The following PARD3B variants were observed in gnomAD, a reference collection of about 807,000 sequenced individuals.
PARD3B encodes partitioning defective 3 homolog B.
Under a neutral mutation model 130.2 loss-of-function variants are expected in PARD3B, and 103 were observed. The observed-to-expected ratio is 0.79, with a 90% CI of 0.67 to 0.93. The LOEUF (loss-of-function observed/expected upper bound fraction) is 0.93. Among genes scored for constraint, PARD3B ranks in the 40% least tolerant of loss-of-function variants. The pLI, the probability that PARD3B is intolerant of heterozygous loss-of-function variation, is 0.00. For synonymous variants in PARD3B, 583 were observed against 553.2 expected, an observed-to-expected ratio of 1.05 and a Z score of -0.76; for missense variants, 1,609 against 1,499.2, an observed-to-expected ratio of 1.07 and a Z score of -1.21.
chr2:205,154,181 A>G (rs1012526763), intron 10 of PARD3B, among the ~76,000 whole-genome samples: 1 of 152,164 alleles, frequency 6.6e-6, no homozygotes, highest in Non-Finnish European at 1.5e-5. Context: ...ATCTACAAAG[A>G]ACTTAAACTA....
At chr2:204,982,032 C>T (rs1692713293) in intron 3 of PARD3B, among the ~76,000 whole-genome samples, 2 of 152,038 alleles carry the variant, frequency 1.3e-5, no homozygotes, top group East Asian at 1.9e-4. Context: ...ATGTAACCAC[C>T]AAAAAAGTCA....
At chr2:205,045,710 A>G (rs1303660411) in intron 3 of PARD3B, among the ~76,000 whole-genome samples, 4 of 151,936 alleles carry the variant, frequency 2.6e-5, no homozygotes, top group African/African-American at 9.7e-5. Flanking sequence ...ATTACCTAAG[A>G]AAAACCATGT....
intron 15 of PARD3B, among the ~76,000 whole-genome samples, chr2:205,208,913 T>G (rs1431064649): frequency 2.2e-5 from 3 of 135,632 alleles, no homozygotes; most frequent in Admixed American, 2.2e-4. Flanking sequence ...CATCGCCAAG[T>G]CAATCCTAAG....
At position 204,890,383 on chromosome 2, in the gene PARD3B, C is replaced by A. The variant is rs1266127158; in HGVS notation, c.223-74769C>A. On this transcript the variant is annotated intron_variant, in intron 2 of 22. Transcript: ENST00000406610. The surrounding 1 kb of genome is among the most constrained non-coding windows in gnomAD (Gnocchi z 4.9). ...ATATCCAGAAGGAGAAAATAATTTT[C>A]AGCCCCTAGTCAAGAAGTTTCATTT... 6.6e-6 allele frequency among the ~76,000 whole-genome samples: 1 copy of A among 152,180 alleles called. No individual in the cohort carries two copies. The highest frequency in any genetic ancestry group is 1.9e-4 in the East Asian group (1 of 5,198).
At chr2:205,169,930 CCTT>C (rs2035053439) in intron 11 of PARD3B, among the ~76,000 whole-genome samples, 2 of 126,636 alleles carry the variant, frequency 1.6e-5, no homozygotes, top group Admixed American at 8.0e-5. Context: ...TTCCCCCCAC[CCTT>C]TTTTTTTTTT....
intron 22 of PARD3B, among the ~76,000 whole-genome samples, chr2:205,580,521 A>G (rs923054713): frequency 6.6e-6 from 1 of 152,356 alleles, no homozygotes; most frequent in South Asian, 2.1e-4. Flanking sequence ...GAGAACACAC[A>G]TCAACAACTT....
intron 18 of PARD3B, among the ~76,000 whole-genome samples, chr2:205,376,581 G>C (rs2045063198): frequency 6.6e-6 from 1 of 152,192 alleles, no homozygotes; most frequent in Admixed American, 6.6e-5. Flanking sequence ...GGGTAATGGT[G>C]GGGACTTTAA....
chr2:205,587,498 A>G (rs554342548), intron 22 of PARD3B, among the ~76,000 whole-genome samples: 1 of 152,164 alleles, frequency 6.6e-6, no homozygotes, highest in African/African-American at 2.4e-5. Context: ...GAAATAGTTT[A>G]TACTCTTTTC....
chr2:205,479,476 G>A (rs1253835718), intron 20 of PARD3B, among the ~76,000 whole-genome samples: 1 of 152,172 alleles, frequency 6.6e-6, no homozygotes, highest in Non-Finnish European at 1.5e-5. Flanking sequence ...AAAGCAGAAG[G>A]TAAGGGCCAT....
intron 3 of PARD3B, among the ~76,000 whole-genome samples, chr2:205,036,513 A>AAT (rs756008004): frequency 1.3e-5 from 2 of 148,714 alleles, no homozygotes; most frequent in Admixed American, 6.8e-5. Flanking sequence ...ATATATAAAA[A>AAT]ATATATATAT....
At chr2:204,944,043 AGAG>A (rs1689120723) in intron 2 of PARD3B, among the ~76,000 whole-genome samples, 1 of 149,478 alleles carries the variant, frequency 6.7e-6, no homozygotes, top group Non-Finnish European at 1.5e-5. Context: ...AGGAAGAAGA[AGAG>A]AAATAGTGAG....
intron 1 of PARD3B, among the ~76,000 whole-genome samples, chr2:204,614,081 G>A (rs1372850021): frequency 6.6e-6 from 1 of 151,910 alleles, no homozygotes; most frequent in Non-Finnish European, 1.5e-5. Flanking sequence ...TCTCTATAGA[G>A]CAGCAGTTCC....
At chr2:204,564,103 A>C (rs947633436) in intron 1 of PARD3B, among the ~76,000 whole-genome samples, 1 of 152,208 alleles carries the variant, frequency 6.6e-6, no homozygotes, top group Non-Finnish European at 1.5e-5. Context: ...CATTGATTGA[A>C]GCCCAGTGGC....
intron 18 of PARD3B, among the ~76,000 whole-genome samples, chr2:205,388,486 C>G (rs960038796): frequency 6.6e-6 from 1 of 152,280 alleles, no homozygotes; most frequent in South Asian, 2.1e-4. Context: ...ATGCGCTAAG[C>G]TACCATGCAT....
intron 18 of PARD3B, among the ~76,000 whole-genome samples, chr2:205,312,885 A>G (rs892696163): frequency 6.6e-6 from 1 of 152,126 alleles, no homozygotes; most frequent in Middle Eastern, 3.2e-3. Flanking sequence ...TTGAGCCTAT[A>G]ATGGAATTGC....
At chr2:205,515,103 T>A (rs1411239329) in intron 21 of PARD3B, among the ~76,000 whole-genome samples, 11 of 152,184 alleles carry the variant, frequency 7.2e-5, no homozygotes. Flanking sequence ...TGGTTTTCTG[T>A]TCCTGCATTA....
At chr2:205,598,172 G>A (rs2054638031) in intron 22 of PARD3B, among the ~76,000 whole-genome samples, 1 of 152,160 alleles carries the variant, frequency 6.6e-6, no homozygotes, top group Non-Finnish European at 1.5e-5. Flanking sequence ...AGAGTGATAA[G>A]TTAGATAAAG....
intron 3 of PARD3B, among the ~76,000 whole-genome samples, chr2:204,968,153 A>T (rs1047735657): frequency 6.6e-6 from 1 of 152,206 alleles, no homozygotes; most frequent in Non-Finnish European, 1.5e-5. Flanking sequence ...GAAAATAGCA[A>T]ATTTAATCTT....
chr2:205,357,732 A>T (rs2044247284), intron 18 of PARD3B, among the ~76,000 whole-genome samples: 1 of 152,234 alleles, frequency 6.6e-6, no homozygotes, highest in African/African-American at 2.4e-5. Flanking sequence ...AAGGGAGAGT[A>T]TGAGATCTGT....
Sources: allele counts gnomAD v4.1 joint callset (sites outside exome capture counted in the v4.1 genomes callset), GRCh38; gene constraint gnomAD v4.1.1; non-coding constraint Gnocchi (gnomAD v3.1); transcripts MANE v1.5; gene names NCBI Gene and HGNC (gene_info 2026-07-23, HGNC 2026-07-21).